Variants in ZFHX4 observed in about 807,000 individuals in gnomAD.
The protein encoded by ZFHX4 is zinc finger homeobox 4.
A neutral mutation model predicts 267.6 loss-of-function variants in ZFHX4; 56 were observed. The ratio of observed to expected loss-of-function variants is 0.21; its 90% confidence interval spans 0.17 to 0.26. The LOEUF is 0.26. Among genes scored for constraint, ZFHX4 ranks in the 10% least tolerant of loss-of-function variants. The pLI is 1.00. For synonymous variants in ZFHX4, 1,778 were observed against 1,665.6 expected (o/e 1.07, Z -1.64); for missense variants, 4,332 against 4,420.0 (o/e 0.98, Z 0.56).
chr8:76,728,394 T>G (rs1056632407), intron 3 of ZFHX4, among the ~76,000 whole-genome samples: 1 of 152,220 alleles, frequency 6.6e-6, no homozygotes, highest in Non-Finnish European at 1.5e-5. Context: ...TTCCAATATC[T>G]TCCTTTTCCT....
At chr8:76,739,150 A>G (rs1352216783) in intron 3 of ZFHX4, among the ~76,000 whole-genome samples, 1 of 152,176 alleles carries the variant, frequency 6.6e-6, no homozygotes, top group Non-Finnish European at 1.5e-5. Flanking sequence ...GCAAAACCAT[A>G]TCATTCTGTC....
chr8:76,731,067 C>G (rs1808996686), intron 3 of ZFHX4, among the ~76,000 whole-genome samples: 1 of 152,168 alleles, frequency 6.6e-6, no homozygotes, highest in African/African-American at 2.4e-5. Flanking sequence ...TCATTCTTTA[C>G]TGATAAGCTT....
chr8:76,736,252 A>T (rs1459719747), intron 3 of ZFHX4, among the ~76,000 whole-genome samples: 1 of 152,036 alleles, frequency 6.6e-6, no homozygotes, highest in African/African-American at 2.4e-5. Context: ...TGTAAAATGA[A>T]TGGATAAGCT....
chr8:76,851,286 A>C lies in ZFHX4; in HGVS notation c.4365A>C (p.Glu1455Asp). The C allele has an allele frequency of 6.2e-7, 1 of 1,613,826 alleles. No homozygotes were observed. The highest frequency in any genetic ancestry group is 1.3e-5 in the African/African-American group (1 of 75,042). The change falls in exon 10 of 11, where the codon GAA (glutamate) becomes GAC (aspartate). Residue 1455 changes from glutamate (E) to aspartate (D), a missense_variant. Transcript: ENST00000651372. The stretch of plus-strand genomic sequence containing the variant: ...GCCACCCTGAACTGAGTGAAGCTGA[A>C]CTTCAACAGCTATATGCCTCCTTGC... ...EAGHPELSEA[E>D]LQQLYASLPV...
chr8:76,794,249 G>C (rs1810913709), intron 4 of ZFHX4, among the ~76,000 whole-genome samples: 1 of 152,058 alleles, frequency 6.6e-6, no homozygotes, highest in African/African-American at 2.4e-5. Flanking sequence ...ATAGCTGGAA[G>C]GTTAAAATTT....
chr8:76,740,538 G>A (rs1202598261), intron 3 of ZFHX4, among the ~76,000 whole-genome samples: 1 of 152,004 alleles, frequency 6.6e-6, no homozygotes, highest in Non-Finnish European at 1.5e-5. Context: ...AAAGAGTCAA[G>A]GAGAAAACAC....
At chr8:76,823,712 T>C (rs981548821) in intron 4 of ZFHX4, among the ~76,000 whole-genome samples, 1 of 152,228 alleles carries the variant, frequency 6.6e-6, no homozygotes. Flanking sequence ...CTTTACTGCA[T>C]CTTAGGTTAA....
intron 3 of ZFHX4, among the ~76,000 whole-genome samples, chr8:76,769,944 G>A (rs1810217587): frequency 6.6e-6 from 1 of 152,148 alleles, no homozygotes; most frequent in African/African-American, 2.4e-5. Context: ...GTCAGAAACT[G>A]TGGGAGCTGC....
chr8:76,708,022 C>A lies in ZFHX4; in HGVS notation c.3067C>A (p.His1023Asn), dbSNP rs763933270. The change falls in exon 3 of 11, where the codon CAC (histidine) becomes AAC (asparagine). Residue 1023 changes from histidine (H) to asparagine (N), a missense_variant. Transcript: ENST00000651372. ...KLRLHTTNHRHEAALKLYKHL... is the reference protein window; with the variant it reads ...KLRLHTTNHRNEAALKLYKHL... Reference sequence around the variant, plus strand: ...ACGCTTGCATACCACCAATCACAGGCACGAGGCGGCCCTGAAGCTCTACAA... The same window carrying A: ...ACGCTTGCATACCACCAATCACAGGAACGAGGCGGCCCTGAAGCTCTACAA... 6.2e-7 allele frequency: 1 copy of A among 1,613,686 alleles called. No individual in the cohort carries two copies. The highest frequency in any genetic ancestry group is 1.1e-5 in the South Asian group (1 of 91,084).
At chr8:76,701,757 G>A (rs575506396) in intron 1 of ZFHX4, among the ~76,000 whole-genome samples, 8 of 152,266 alleles carry the variant, frequency 5.3e-5, no homozygotes, top group African/African-American at 1.9e-4. Context: ...TTACAAAGCT[G>A]TAAAATGTTG....
In ZFHX4 at chr8:76,801,715, C is replaced by T. The variant is rs533263136; in HGVS notation, c.3325+23276C>T. Among the ~76,000 whole-genome samples the T allele has an allele frequency of 2.6e-5, 4 of 152,246 alleles. No homozygotes were observed. The East Asian group carries it at 7.7e-4, about 29-fold the overall frequency. On this transcript the variant is annotated intron_variant, in intron 4 of 10. Coordinates refer to ENST00000651372, the MANE Select transcript of ZFHX4 (RefSeq NM_024721.5). ...AAAAGTATGTGCGGTTAGGAGTGTG[C>T]TCACATTGATTGAACAAGGACTCAC...
At chr8:76,755,986 G>A (rs1475092684) in intron 3 of ZFHX4, among the ~76,000 whole-genome samples, 3 of 152,100 alleles carry the variant, frequency 2.0e-5, no homozygotes, top group Admixed American at 6.5e-5. Context: ...AACTTGCTTC[G>A]TAGGAGTTCC....
At chr8:76,787,463 T>A (rs1274411518) in intron 4 of ZFHX4, among the ~76,000 whole-genome samples, 1 of 151,814 alleles carries the variant, frequency 6.6e-6, no homozygotes, top group Non-Finnish European at 1.5e-5. Context: ...AGTAGCACAG[T>A]TTGGCTGAGA....
At chr8:76,835,443 T>C (rs1053566203) in intron 5 of ZFHX4, among the ~76,000 whole-genome samples, 4 of 151,590 alleles carry the variant, frequency 2.6e-5, no homozygotes, top group Non-Finnish European at 5.9e-5. Flanking sequence ...ACCTGCTATA[T>C]AGAACAATAA....
At position 76,842,646 on chromosome 8, in the gene ZFHX4, T is replaced by C. The variant is rs928585458; in HGVS notation, c.3395-9T>C. ...TCAGTTCTACTGATTGGTCTGCCTT[T>C]CTTAACAGAAGAACAAAGTGAGGAG... On this transcript the variant is annotated splice_polypyrimidine_tract_variant and intron_variant, in intron 5 of 10. Transcript: ENST00000651372. 1 of 1,547,612 alleles carries C rather than the reference T, an allele frequency of 6.5e-7. No individual in the cohort carries two copies.
At chr8:76,827,412 G>T (rs1811815770) in intron 4 of ZFHX4, among the ~76,000 whole-genome samples, 1 of 152,172 alleles carries the variant, frequency 6.6e-6, no homozygotes, top group Non-Finnish European at 1.5e-5. Context: ...CAGCCGCAGG[G>T]TTAGGGACCC....
intron 4 of ZFHX4, among the ~76,000 whole-genome samples, chr8:76,798,668 AGT>A (rs1811044230): frequency 6.6e-6 from 1 of 152,238 alleles, no homozygotes; most frequent in Non-Finnish European, 1.5e-5. Flanking sequence ...TTTAGTAATC[AGT>A]GTGAATTACT....
intron 4 of ZFHX4, among the ~76,000 whole-genome samples, chr8:76,831,763 A>T (rs960232442): frequency 1.3e-5 from 2 of 152,126 alleles, no homozygotes; most frequent in African/African-American, 4.8e-5. Flanking sequence ...TTTGGTTCTG[A>T]GGGAAGAATA....
intron 3 of ZFHX4, among the ~76,000 whole-genome samples, chr8:76,732,425 T>C (rs189766417): frequency 7.9e-5 from 12 of 152,116 alleles, no homozygotes; most frequent in Non-Finnish European, 1.6e-4. Context: ...TTCGCAGTAT[T>C]CTATAAATTT....
Sources: gnomAD v4.1 joint callset for allele counts (sites outside exome capture counted in the v4.1 genomes callset) on GRCh38, gnomAD v4.1.1 for gene constraint, MANE v1.5 for transcripts, NCBI Gene and HGNC (gene_info 2026-07-23, HGNC 2026-07-21) for gene names.